Variants in C10orf90 observed in about 807,000 individuals in gnomAD.
C10orf90 encodes the protein chromosome 10 open reading frame 90, also known as (E2-independent) E3 ubiquitin-conjugating enzyme FATS.
C10orf90 carries 56 observed loss-of-function variants against 62.5 expected under a neutral mutation model. The ratio of observed to expected loss-of-function variants is 0.90; its 90% CI spans 0.72 to 1.12. C10orf90 has a LOEUF of 1.12. Among genes scored for constraint, C10orf90 ranks in the 50% most tolerant of loss-of-function variants. C10orf90 has a pLI of 0.00. For synonymous variants in C10orf90, 386 were observed against 340.4 expected, an observed-to-expected ratio of 1.13 and a Z score of -1.47; for missense variants, 970 against 880.4, an observed-to-expected ratio of 1.10 and a Z score of -1.29.
chr10:126,619,125 G>A (rs7899242), intron 2 of C10orf90, among the ~76,000 whole-genome samples: 3,432 of 152,180 alleles, frequency 0.023, 133 homozygotes, highest in African/African-American at 0.075. Flanking sequence ...ACGTAACACC[G>A]TGCACACTAT....
At chr10:126,630,082 C>T (rs145613596) in intron 2 of C10orf90, among the ~76,000 whole-genome samples, 54 of 152,352 alleles carry the variant, frequency 3.5e-4, no homozygotes, top group African/African-American at 1.2e-3. Context: ...TGTGTGTGCA[C>T]TGCATGCAAG....
chr10:126,618,411 C>T (rs1055710438), intron 2 of C10orf90, among the ~76,000 whole-genome samples: 1 of 152,184 alleles, frequency 6.6e-6, no homozygotes, highest in African/African-American at 2.4e-5. Flanking sequence ...GGGCCTCCCG[C>T]CTCCCCACAT....
At chr10:126,536,491 T>A (rs192995256) in intron 2 of C10orf90, among the ~76,000 whole-genome samples, 1 of 152,112 alleles carries the variant, frequency 6.6e-6, no homozygotes, top group Non-Finnish European at 1.5e-5. Context: ...AAGATCCCCA[T>A]TTTAAAGAAA....
chr10:126,638,059 G>A (rs933848251), intron 2 of C10orf90, among the ~76,000 whole-genome samples: 4 of 152,168 alleles, frequency 2.6e-5, no homozygotes, highest in Non-Finnish European at 5.9e-5. Flanking sequence ...GGTTTCCAGC[G>A]TGGCTGACAA....
chr10:126,465,090 A>C, intron 4 of C10orf90, 104 bp from the exon 5 acceptor site: 1 of 1,212,126 alleles, frequency 8.2e-7, no homozygotes. Context: ...CTTGGGGGGG[A>C]GTACAGCACT....
chr10:126,537,292 A>G (rs1483516669), intron 2 of C10orf90, among the ~76,000 whole-genome samples: 3 of 152,212 alleles, frequency 2.0e-5, no homozygotes, highest in Non-Finnish European at 4.4e-5. Context: ...GCTTTAAATT[A>G]TCCTCAGTTC....
At position 126,573,834 on chromosome 10, in the gene C10orf90, T is replaced by C. The variant is rs1031088708; in HGVS notation, c.314-59895A>G. Among the ~76,000 whole-genome samples, 3 of 150,306 alleles carry C rather than the reference T, an allele frequency of 2.0e-5. No individual in the cohort carries two copies. The South Asian group carries it at 6.3e-4, about 32-fold the overall frequency. ...GTGGAGAAAGAGCTCTAACTTTGCTTTTTTTTTTAACCCTGCATAAACAGT... is the reference window on the plus strand; with the variant it reads ...GTGGAGAAAGAGCTCTAACTTTGCTCTTTTTTTTAACCCTGCATAAACAGT... On this transcript the variant is annotated intron_variant, in intron 2 of 9. Transcript: ENST00000488181.
intron 2 of C10orf90, among the ~76,000 whole-genome samples, chr10:126,541,598 G>A (rs1250065831): frequency 2.6e-5 from 4 of 152,168 alleles, no homozygotes; most frequent in African/African-American, 9.7e-5. Context: ...ATGAAGACAT[G>A]CTTAACATTA....
In C10orf90 at chr10:126,504,153, C is replaced by A; in HGVS notation, c.1338G>T (p.Ser446=). ...CGGTCCCCAAATGCACCCGCCTCAA[C>A]GATGGGGTTTCCTTCAAGTGACTTT... The part of the protein sequence containing the change: ...LQESHLKETP[S]LRRVHLGTGA... The change falls in exon 4 of 10, where the codon TCG becomes TCT. Residue 446 remains serine (S), a synonymous_variant. Transcript: ENST00000488181. This position sits in a 1 kb window ranked among gnomAD's most constrained non-coding sequence, Gnocchi z 4.1. The A allele has an allele frequency of 1.2e-6, 2 of 1,614,196 alleles. No individual in the cohort carries two copies. The highest frequency in any genetic ancestry group is 1.7e-6 in the Non-Finnish European group (2 of 1,180,038).
rs17155088 is a variant in C10orf90, at chr10:126,641,222, T to C, written c.313+5343A>G. On this transcript the variant is annotated intron_variant, in intron 2 of 9. Transcript: ENST00000488181. The stretch of plus-strand genomic sequence containing the variant: ...AAGGGATCCTAGAACAACCCTTCCT[T>C]GAATCATGACGAAGGGTATAGGGTT... Among the ~76,000 whole-genome samples the C allele has an allele frequency of 8.4e-3, 1,286 of 152,270 alleles. 19 individuals are homozygous for C. The highest frequency in any genetic ancestry group is 0.029 in the African/African-American group (1,206 of 41,548).
chr10:126,580,922 C>T (rs1844737058), intron 2 of C10orf90, among the ~76,000 whole-genome samples: 2 of 130,262 alleles, frequency 1.5e-5, no homozygotes, highest in Middle Eastern at 3.9e-3. Context: ...GCCACATTGT[C>T]AGTTCTCCCC....
chr10:126,478,540 T>A (rs887754098), intron 4 of C10orf90, among the ~76,000 whole-genome samples: 1 of 152,190 alleles, frequency 6.6e-6, no homozygotes, highest in Non-Finnish European at 1.5e-5. Flanking sequence ...ACACACAAGA[T>A]GATACAGAAA....
intron 4 of C10orf90, among the ~76,000 whole-genome samples, chr10:126,498,985 T>C (rs926201384): frequency 2.6e-5 from 4 of 152,214 alleles, no homozygotes; most frequent in African/African-American, 9.6e-5. Context: ...ATCCAACATG[T>C]AATACTGGGG....
chr10:126,552,243 A>G (rs1864650975), intron 2 of C10orf90, among the ~76,000 whole-genome samples: 1 of 152,198 alleles, frequency 6.6e-6, no homozygotes, highest in Non-Finnish European at 1.5e-5. Context: ...ACAGGGAACC[A>G]TGTAGTATAC....
intron 4 of C10orf90, among the ~76,000 whole-genome samples, chr10:126,482,302 G>T (rs1436971104): frequency 1.3e-5 from 2 of 152,182 alleles, no homozygotes; most frequent in Non-Finnish European, 2.9e-5. Flanking sequence ...AATCTACTTG[G>T]CTGAATGGAA....
At chr10:126,458,973 A>G (rs1859768315) in intron 7 of C10orf90, 67 bp downstream of exon 7, 2 of 1,504,450 alleles carry the variant, frequency 1.3e-6, no homozygotes, top group Non-Finnish European at 1.8e-6. Context: ...CCCTGAGTGA[A>G]GCCTCCAGCT....
At chr10:126,619,015 G>A (rs1845595369) in intron 2 of C10orf90, among the ~76,000 whole-genome samples, 1 of 152,176 alleles carries the variant, frequency 6.6e-6, no homozygotes, top group Admixed American at 6.5e-5. Context: ...ATGAGATCAT[G>A]TCTTTTGCAG....
At chr10:126,543,308 T>C (rs1864419002) in intron 2 of C10orf90, among the ~76,000 whole-genome samples, 1 of 152,160 alleles carries the variant, frequency 6.6e-6, no homozygotes, top group African/African-American at 2.4e-5. Context: ...TTCTTTCATC[T>C]GAAAAATGGG....
At chr10:126,508,158 T>TGAGAGAGAGAGA (rs57143666) in intron 3 of C10orf90, among the ~76,000 whole-genome samples, 1,382 of 131,404 alleles carry the variant, frequency 0.011, 11 homozygotes, top group Non-Finnish European at 0.012. Context: ...AATGAGTGAG[T>TGAGAGAGAGAGA]GAGAGAGAGA....
Sources: gnomAD v4.1 joint callset for allele counts (sites outside exome capture counted in the v4.1 genomes callset) on GRCh38, gnomAD v4.1.1 for gene constraint, Gnocchi (gnomAD v3.1) non-coding constraint, MANE v1.5 for transcripts, NCBI Gene and HGNC (gene_info 2026-07-23, HGNC 2026-07-21) for gene names.